The following STK32A variants were observed in gnomAD, a reference collection of about 807,000 sequenced individuals.
The protein encoded by STK32A is serine/threonine-protein kinase 32A.
A neutral mutation model predicts 53.2 loss-of-function variants in STK32A; 41 were observed. The observed-to-expected ratio is 0.77, with a 90% CI of 0.60 to 1.00. STK32A has a LOEUF of 1.00. Among genes scored for constraint, STK32A ranks in the 50% least tolerant of loss-of-function variants. STK32A has a pLI of 0.00. For synonymous variants in STK32A, 166 were observed against 162.8 expected (o/e 1.02, Z -0.15); for missense variants, 458 against 485.8 (o/e 0.94, Z 0.54).
chr5:147,363,061 G>A (rs1756581982), intron 8 of STK32A, among the ~76,000 whole-genome samples: 1 of 151,834 alleles, frequency 6.6e-6, no homozygotes, highest in Non-Finnish European at 1.5e-5. Context: ...ACTCCAGCCT[G>A]AGCTACAGAG....
intron 4 of STK32A, among the ~76,000 whole-genome samples, chr5:147,303,652 A>G (rs1753249446): frequency 6.6e-6 from 1 of 152,204 alleles, no homozygotes; most frequent in Admixed American, 6.5e-5. Flanking sequence ...AATACATAAA[A>G]TATGTTTAAG....
chr5:147,366,385 T>G (rs1756746797), intron 8 of STK32A, among the ~76,000 whole-genome samples: 1 of 152,224 alleles, frequency 6.6e-6, no homozygotes, highest in African/African-American at 2.4e-5. Context: ...TTGCAGGGCT[T>G]TTCAAAATCT....
the STK32A span, chr5:147,399,132 T>C: frequency 1.2e-6 from 2 of 1,614,226 alleles, no homozygotes. Flanking sequence ...GGATCCCAGA[T>C]GACGAGGTCG....
chr5:147,401,956 A>T, the STK32A span: 1 of 351,740 alleles, frequency 2.8e-6, no homozygotes, highest in African/African-American at 2.5e-5. Context: ...GCAAATTAAA[A>T]TTTGAGGCAA....
At chr5:147,352,507 C>T (rs538141192) in intron 7 of STK32A, among the ~76,000 whole-genome samples, 4 of 152,260 alleles carry the variant, frequency 2.6e-5, no homozygotes, top group African/African-American at 9.6e-5. Context: ...CTTTACTTCC[C>T]GTCCAGCCTC....
At chr5:147,262,514 T>C (rs10060530) in intron 2 of STK32A, among the ~76,000 whole-genome samples, 9,572 of 152,070 alleles carry the variant, frequency 0.063, 1,052 homozygotes, top group African/African-American at 0.22. Context: ...TTTTAATATA[T>C]GCTATCTCAT....
At chr5:147,271,107 G>T (rs1229767687) in intron 2 of STK32A, among the ~76,000 whole-genome samples, 1 of 152,004 alleles carries the variant, frequency 6.6e-6, no homozygotes, top group African/African-American at 2.4e-5. Flanking sequence ...GGGTGTTGCA[G>T]GAAGTCAGAG....
At chr5:147,320,083 T>C (rs894104255) in intron 4 of STK32A, among the ~76,000 whole-genome samples, 2 of 151,906 alleles carry the variant, frequency 1.3e-5, no homozygotes, top group African/African-American at 2.4e-5. Flanking sequence ...ATTTATCCTA[T>C]GTTATTCAAT....
intron 2 of STK32A, among the ~76,000 whole-genome samples, chr5:147,249,299 T>G (rs1010555497): frequency 6.6e-6 from 1 of 152,120 alleles, no homozygotes; most frequent in African/African-American, 2.4e-5. Context: ...AATAATAGTA[T>G]CTGTCTCATA....
At chr5:147,272,146 C>T (rs747351108) in intron 2 of STK32A, among the ~76,000 whole-genome samples, 4 of 152,150 alleles carry the variant, frequency 2.6e-5, no homozygotes, top group Non-Finnish European at 5.9e-5. Flanking sequence ...AAAGAACCTA[C>T]GTGACTATCA....
chr5:147,400,972 T>C, the STK32A span: 3 of 1,159,966 alleles, frequency 2.6e-6, no homozygotes, highest in Admixed American at 2.9e-5. Context: ...TTACTAGATA[T>C]ATGAGCTTGG....
intron 1 of STK32A, 90 bp from the exon 2 acceptor site, chr5:147,239,449 C>A (rs1224984620): frequency 2.0e-6 from 1 of 503,284 alleles, no homozygotes; most frequent in African/African-American, 2.0e-5. Context: ...TACAGTGATA[C>A]AGATGAGGTT....
At chr5:147,305,337 C>G (rs976846823) in intron 4 of STK32A, among the ~76,000 whole-genome samples, 1 of 152,166 alleles carries the variant, frequency 6.6e-6, no homozygotes, top group Admixed American at 6.5e-5. Context: ...GGCCAGGCTC[C>G]TCCCCCTGCA....
intron 7 of STK32A, 98 bp downstream of exon 7, chr5:147,351,252 T>C: frequency 9.7e-7 from 1 of 1,030,748 alleles, no homozygotes; most frequent in African/African-American, 1.6e-5. Context: ...AACTGGTAAG[T>C]TCCTCTCTGA....
At chr5:147,331,965 G>C (rs779961352) in intron 5 of STK32A, among the ~76,000 whole-genome samples, 3 of 152,192 alleles carry the variant, frequency 2.0e-5, no homozygotes, top group Non-Finnish European at 2.9e-5. Context: ...TCTACCTTCA[G>C]AACTGTGAGA....
intron 4 of STK32A, among the ~76,000 whole-genome samples, chr5:147,292,480 G>A (rs1031016633): frequency 2.0e-5 from 3 of 152,146 alleles, no homozygotes; most frequent in African/African-American, 7.2e-5. Context: ...TTACTTAATT[G>A]TTGTAAGCTC....
At chr5:147,277,398 A>T (rs1303479772) in intron 2 of STK32A, among the ~76,000 whole-genome samples, 2 of 152,040 alleles carry the variant, frequency 1.3e-5, no homozygotes, top group Non-Finnish European at 2.9e-5. Context: ...CTAATCAACA[A>T]TTGCTTCTTC....
At chr5:147,348,796 G>A (rs565404164) in intron 6 of STK32A, 12 of 728,002 alleles carry the variant, frequency 1.6e-5, no homozygotes, top group African/African-American at 3.5e-5. Flanking sequence ...TGATAATGAC[G>A]GATATCAACA....
chr5:147,389,210 C>T (rs1417950892), downstream of STK32A, among the ~76,000 whole-genome samples: 1 of 152,134 alleles, frequency 6.6e-6, no homozygotes, highest in East Asian at 1.9e-4. Context: ...CCATCTCCTC[C>T]CCACCCGTCC....
Sources: gnomAD v4.1 joint callset for allele counts (sites outside exome capture counted in the v4.1 genomes callset) on GRCh38, gnomAD v4.1.1 for gene constraint, MANE v1.5 for transcripts, NCBI Gene and HGNC (gene_info 2026-07-23, HGNC 2026-07-21) for gene names.